Variants in WWOX observed in about 807,000 individuals in gnomAD.
WWOX encodes WW domain containing oxidoreductase, also known as WW domain-containing oxidoreductase.
In WWOX, 69 loss-of-function variants were observed where a neutral mutation model predicts 46.2. That is an observed-to-expected ratio of 1.49 (90% confidence interval 1.23 to 1.82). WWOX has a LOEUF of 1.82. WWOX is among the 40% of genes most tolerant of loss of function. The probability of loss-of-function intolerance (pLI) is 0.00; values close to 1 mark genes in which losing one functional copy is unlikely to be tolerated. For synonymous variants in WWOX, 359 were observed against 202.6 expected, an observed-to-expected ratio of 1.77 and a Z score of -6.56; for missense variants, 919 against 542.6, an observed-to-expected ratio of 1.69 and a Z score of -6.89.
chr16:78,532,593 A>G (rs1215746139), intron 8 of WWOX, among the ~76,000 whole-genome samples: 2 of 152,224 alleles, frequency 1.3e-5, no homozygotes, highest in African/African-American at 4.8e-5. Flanking sequence ...GGCATACCCA[A>G]TACTAGGTCA....
chr16:79,035,893 C>G (rs1448422586), intron 8 of WWOX, among the ~76,000 whole-genome samples: 5 of 152,238 alleles, frequency 3.3e-5, no homozygotes, highest in African/African-American at 4.8e-5. Context: ...CTACACCCAG[C>G]CAAGAATTCA....
chr16:78,885,217 C>G (rs1467738028), intron 8 of WWOX, among the ~76,000 whole-genome samples: 1 of 133,736 alleles, frequency 7.5e-6, no homozygotes. Flanking sequence ...TTTAATAGGT[C>G]TTGTCATTTG....
intron 8 of WWOX, among the ~76,000 whole-genome samples, chr16:78,599,473 C>G (rs1468218567): frequency 6.6e-6 from 1 of 152,146 alleles, no homozygotes; most frequent in East Asian, 1.9e-4. Flanking sequence ...TCAGGCAGCC[C>G]CTCTGACTGG....
chr16:78,800,419 G>C (rs893645234), intron 8 of WWOX, among the ~76,000 whole-genome samples: 1 of 152,182 alleles, frequency 6.6e-6, no homozygotes, highest in Non-Finnish European at 1.5e-5. Context: ...GGCTATGATT[G>C]TGTAGGTGCC....
intron 6 of WWOX, among the ~76,000 whole-genome samples, chr16:78,398,833 G>C (rs535280379): frequency 6.6e-6 from 1 of 152,176 alleles, no homozygotes; most frequent in Admixed American, 6.5e-5. Context: ...TTTATAAAGC[G>C]TAGTACCTGA....
At chr16:79,102,219 C>G (rs898100517) in intron 8 of WWOX, among the ~76,000 whole-genome samples, 1 of 152,032 alleles carries the variant, frequency 6.6e-6, no homozygotes, top group Non-Finnish European at 1.5e-5. Context: ...AGATAACTTG[C>G]CTATAAACAT....
rs141154213 is a variant in WWOX at position 79,177,444 on chromosome 16, C to T, written c.1057-34164C>T. ...CAAGGCTTTTACACACTTCCGCTAA[C>T]CTCTTATGGTCAGGCTCATAAAAGC... On this transcript the variant is annotated intron_variant, in intron 8 of 8. Coordinates refer to ENST00000566780, the MANE Select transcript of WWOX (RefSeq NM_016373.4). Among the ~76,000 whole-genome samples the T allele has an allele frequency of 1.4e-3, 209 of 152,308 alleles. 1 individual carries two copies. The highest frequency in any genetic ancestry group is 4.5e-3 in the African/African-American group (188 of 41,550).
At chr16:78,859,001 TAAA>T (rs542176032) in intron 8 of WWOX, among the ~76,000 whole-genome samples, 49 of 44,264 alleles carry the variant, frequency 1.1e-3, no homozygotes, top group Non-Finnish European at 1.7e-3. Context: ...TTTTGAAATT[TAAA>T]AAAAAAAAAA....
Position 79,021,285 on chromosome 16 carries a change from A to T in WWOX, c.1057-190323A>T, listed in dbSNP as rs368374006. On this transcript the variant is annotated intron_variant, in intron 8 of 8. Transcript: ENST00000566780. ...TTGGGCTCTACAAGGTGCTAGGGTA[A>T]GGCACGCAGGATGCAAGATTAGCGA... Among the ~76,000 whole-genome samples the T allele has an allele frequency of 2.2e-4, 34 of 152,236 alleles. 1 individual carries two copies. In the East Asian group the frequency reaches 4.3e-3, roughly 19 times the overall value.
chr16:79,211,953 A>T lies in WWOX; in HGVS notation c.*157A>T. 6.5e-7 allele frequency: 1 copy of T among 1,536,526 alleles called. No individual in the cohort carries two copies. The highest frequency in any genetic ancestry group is 8.7e-7 in the Non-Finnish European group (1 of 1,146,918). ...AACAGAGTGAAAAATCTTAAGTACC[A>T]ATGGGAAGCAGGGAATTCCTGGGGT... is the stretch of plus-strand genomic sequence containing the variant. On this transcript the variant is annotated 3_prime_UTR_variant, in exon 9 of 9. Coordinates refer to ENST00000566780, the MANE Select transcript of WWOX (RefSeq NM_016373.4).
intron 8 of WWOX, among the ~76,000 whole-genome samples, chr16:79,182,919 T>C (rs1241978666): frequency 6.6e-6 from 1 of 152,168 alleles, no homozygotes; most frequent in African/African-American, 2.4e-5. Flanking sequence ...ATGAGCATCC[T>C]CAGAAAGTAG....
chr16:78,137,408 G>A (rs1295718344), intron 4 of WWOX, among the ~76,000 whole-genome samples: 5 of 152,154 alleles, frequency 3.3e-5, no homozygotes, highest in Non-Finnish European at 5.9e-5. Context: ...GAACCATGAC[G>A]TCAGCATCAC....
intron 8 of WWOX, among the ~76,000 whole-genome samples, chr16:78,917,776 C>T (rs1234080984): frequency 1.3e-5 from 2 of 152,038 alleles, no homozygotes; most frequent in African/African-American, 4.8e-5. Context: ...TAATAAATAT[C>T]TGCTAGTTTT....
At chr16:78,800,421 G>C (rs990462336) in intron 8 of WWOX, among the ~76,000 whole-genome samples, 16 of 152,194 alleles carry the variant, frequency 1.1e-4, no homozygotes, top group African/African-American at 3.4e-4. Flanking sequence ...CTATGATTGT[G>C]TAGGTGCCTG....
At chr16:78,956,323 A>G (rs1014740234) in intron 8 of WWOX, among the ~76,000 whole-genome samples, 6 of 151,860 alleles carry the variant, frequency 4.0e-5, no homozygotes, top group African/African-American at 1.4e-4. Context: ...TTTTTTTTTA[A>G]TATATATTTT....
intron 8 of WWOX, among the ~76,000 whole-genome samples, chr16:78,646,167 A>T (rs911424565): frequency 6.6e-6 from 1 of 152,264 alleles, no homozygotes; most frequent in East Asian, 1.9e-4. Flanking sequence ...AGGGTAGAGC[A>T]TGGATGCCTT....
intron 8 of WWOX, among the ~76,000 whole-genome samples, chr16:78,811,504 C>CT (rs1345731186): frequency 2.0e-5 from 3 of 150,594 alleles, no homozygotes; most frequent in African/African-American, 7.3e-5. Context: ...TCTTTCTTTT[C>CT]TTTCTTTTTC....
At chr16:78,996,095 C>CAGAA in intron 8 of WWOX, 2 of 569,552 alleles carry the variant, frequency 3.5e-6, no homozygotes, top group Non-Finnish European at 4.4e-6. Flanking sequence ...AAAATGAAAT[C>CAGAA]AGAACGTGGC....
chr16:79,041,551 G>T (rs995636405), intron 8 of WWOX, among the ~76,000 whole-genome samples: 6 of 152,124 alleles, frequency 3.9e-5, no homozygotes, highest in African/African-American at 7.2e-5. Flanking sequence ...GGGGGCCAAG[G>T]AGGGCTGAGC....
Sources: gnomAD v4.1 joint callset for allele counts (sites outside exome capture counted in the v4.1 genomes callset) on GRCh38, gnomAD v4.1.1 for gene constraint, MANE v1.5 for transcripts, NCBI Gene and HGNC (gene_info 2026-07-23, HGNC 2026-07-21) for gene names.